Variants in DFFB observed in about 807,000 individuals in gnomAD.
DFFB encodes the protein DNA fragmentation factor subunit beta, also known as DNA fragmentation factor 40 kDa subunit.
Under a neutral mutation model 32.7 loss-of-function variants are expected in DFFB, and 29 were observed. The observed-to-expected ratio is 0.89, with a 90% CI of 0.66 to 1.21. DFFB has a LOEUF of 1.21. Ranked by LOEUF, DFFB falls within the 50% of genes most tolerant of loss-of-function variation. The probability of loss-of-function intolerance (pLI) is 0.00; values close to 1 mark genes in which losing one functional copy is unlikely to be tolerated. For synonymous variants in DFFB, 170 were observed against 177.1 expected, an observed-to-expected ratio of 0.96 and a Z score of 0.32; for missense variants, 398 against 440.6, an observed-to-expected ratio of 0.90 and a Z score of 0.87.
At chr1:3,872,956 G>A (rs1007647113) in intron 6 of DFFB, 14 of 1,231,460 alleles carry the variant, frequency 1.1e-5, no homozygotes, top group Admixed American at 8.6e-5. Context: ...CTCAGACAGC[G>A]GGAGCTCCTG....
At position 3,865,697 on chromosome 1, in the gene DFFB, G is replaced by T. The variant is rs1021911514; in HGVS notation, c.242-115G>T. 3.9e-6 allele frequency: 6 copies of T among 1,538,660 alleles called. No homozygotes were observed. The highest frequency in any genetic ancestry group is 4.5e-6 in the Non-Finnish European group (5 of 1,111,598). ...CGGGACACCTCAAGTCTGAGTCCTG[G>T]TGATTGCCAGGCCCTGGGGAATGGG... On this transcript the variant is annotated intron_variant, in intron 2 of 6. Transcript: ENST00000378209. This position sits in a 1 kb window ranked among gnomAD's most constrained non-coding sequence, Gnocchi z 4.7.
Position 3,884,106 on chromosome 1 carries a change from A to T in DFFB, c.*365A>T. The T allele has an allele frequency of 3.9e-6, 1 of 253,402 alleles. No homozygotes were observed. Among genetic ancestry groups the T allele is most frequent in the South Asian group, 4.6e-5 (1 of 21,874 alleles). 15.7% of individuals were successfully genotyped at this position (253,402 alleles called of 1,614,324 possible). A position where few individuals can be genotyped will look rare whatever the true frequency, so the allele number is the denominator to read the frequency against. On this transcript the variant is annotated 3_prime_UTR_variant, in exon 7 of 7. Transcript: ENST00000378209. The stretch of plus-strand genomic sequence containing the variant: ...ACCATGTTGGTCAGGCTGGTCTCAA[A>T]CTCCTGACCTCAGGTGATCCGCCCA...
intron 6 of DFFB, among the ~76,000 whole-genome samples, chr1:3,874,543 G>A (rs1341010450): frequency 1.8e-4 from 7 of 39,182 alleles, no homozygotes; most frequent in South Asian, 1.4e-3. Context: ...CACGCGTGTG[G>A]GTTTAACATG....
intron 4 of DFFB, among the ~76,000 whole-genome samples, 183 bp downstream of exon 4, chr1:3,868,236 G>T (rs1324011022): frequency 6.6e-6 from 1 of 152,126 alleles, no homozygotes; most frequent in Non-Finnish European, 1.5e-5. Context: ...CTCCCTTCAT[G>T]GGGGTGAACA....
At chr1:3,864,558 C>T (rs2124732980) in intron 2 of DFFB, among the ~76,000 whole-genome samples, 1 of 152,208 alleles carries the variant, frequency 6.6e-6, no homozygotes, top group East Asian at 1.9e-4. Flanking sequence ...GACAGGGTCT[C>T]ACTCTGTTGC....
intron 2 of DFFB, among the ~76,000 whole-genome samples, chr1:3,860,210 G>A (rs972271313): frequency 6.6e-6 from 1 of 152,074 alleles, no homozygotes; most frequent in Non-Finnish European, 1.5e-5. Flanking sequence ...TTACAGGCAT[G>A]AGCCACTGTG....
chr1:3,864,156 A>G lies in DFFB; in HGVS notation c.242-1656A>G, dbSNP rs181195701. On this transcript the variant is annotated intron_variant, in intron 2 of 6. Coordinates refer to ENST00000378209, the MANE Select transcript of DFFB (RefSeq NM_004402.4). ...TAATTTTTGTATTTTTAGTAGAGAC[A>G]GGGTTTCACCATGTTGGCCAGGATG... is the stretch of plus-strand genomic sequence containing the variant. Among the ~76,000 whole-genome samples the G allele has an allele frequency of 6.6e-5, 10 of 152,078 alleles. No individual in the cohort carries two copies. The South Asian group carries it at 8.3e-4, about 13-fold the overall frequency.
At chr1:3,878,087 C>G (rs1225925325) in intron 6 of DFFB, among the ~76,000 whole-genome samples, 1 of 152,098 alleles carries the variant, frequency 6.6e-6, no homozygotes, top group Non-Finnish European at 1.5e-5. Context: ...GTCCCTCGCT[C>G]TCAGCTGTGT....
intron 6 of DFFB, 42 bp downstream of exon 6, chr1:3,872,614 G>GGGCCCCGTCCCTGCCGC: frequency 6.3e-6 from 6 of 959,746 alleles, no homozygotes; most frequent in Non-Finnish European, 8.9e-6. Context: ...AGTGCCTGCA[G>GGGCCCCGTCCCTGCCGC]GGCCCTGTCC....
intron 2 of DFFB, 145 bp downstream of exon 2, chr1:3,858,989 G>A (rs576633971): frequency 8.9e-5 from 109 of 1,231,450 alleles, no homozygotes; most frequent in Middle Eastern, 8.4e-4. Flanking sequence ...TCTGGAGGCA[G>A]AACTGGTCAG....
At chr1:3,880,007 T>C (rs1645304330) in intron 6 of DFFB, among the ~76,000 whole-genome samples, 1 of 152,234 alleles carries the variant, frequency 6.6e-6, no homozygotes, top group South Asian at 2.1e-4. Context: ...TAAACGCCAA[T>C]GCCTTCAAAT....
intron 5 of DFFB, 139 bp downstream of exon 5, chr1:3,869,914 C>T: frequency 2.2e-6 from 2 of 898,932 alleles, no homozygotes; most frequent in East Asian, 5.5e-5. Context: ...CTCACATTCC[C>T]AGGGAGGGCG....
intron 4 of DFFB, 147 bp from the exon 5 acceptor site, chr1:3,869,458 C>G: frequency 1.3e-6 from 1 of 788,246 alleles, no homozygotes; most frequent in East Asian, 2.7e-5. Context: ...CAGCAGTGGC[C>G]GAGAGGCCAC....
chr1:3,860,552 G>C (rs932819015), intron 2 of DFFB: 2 of 348,446 alleles, frequency 5.7e-6, no homozygotes, highest in African/African-American at 4.3e-5. Context: ...TAGAAATAAT[G>C]ACAGATTCCC....
intron 5 of DFFB, 135 bp downstream of exon 5, chr1:3,869,910 T>G: frequency 1.1e-6 from 1 of 913,454 alleles, no homozygotes; most frequent in Non-Finnish European, 1.6e-6. Context: ...AGCCCTCACA[T>G]TCCCAGGGAG....
chr1:3,869,854 A>G, intron 5 of DFFB, 79 bp downstream of exon 5: 3 of 1,434,432 alleles, frequency 2.1e-6, no homozygotes, highest in Non-Finnish European at 2.8e-6. Context: ...GCGGGTGGGG[A>G]CCTTCAGCCC....
At chr1:3,877,288 A>C (rs1435513559) in intron 6 of DFFB, among the ~76,000 whole-genome samples, 2 of 148,128 alleles carry the variant, frequency 1.4e-5, no homozygotes, top group African/African-American at 2.5e-5. Flanking sequence ...TACTTAAGGT[A>C]GTTCCTCCTA....
intron 6 of DFFB, among the ~76,000 whole-genome samples, chr1:3,880,821 C>T (rs186719327): frequency 3.1e-4 from 47 of 152,256 alleles, no homozygotes; most frequent in African/African-American, 1.1e-3. Flanking sequence ...TGTCACGGTG[C>T]CCCTTCAGCA....
chr1:3,864,937 C>T (rs1040129479), intron 2 of DFFB, among the ~76,000 whole-genome samples: 2 of 152,070 alleles, frequency 1.3e-5, no homozygotes, highest in Non-Finnish European at 2.9e-5. Context: ...TTCTAATTGG[C>T]TTATTTATCT....
Sources: allele counts gnomAD v4.1 joint callset (sites outside exome capture counted in the v4.1 genomes callset), GRCh38; gene constraint gnomAD v4.1.1; non-coding constraint Gnocchi (gnomAD v3.1); transcripts MANE v1.5; gene names NCBI Gene and HGNC (gene_info 2026-07-23, HGNC 2026-07-21).